CACNA1A: variants seen among roughly 807,000 people sequenced by gnomAD.
The protein encoded by CACNA1A is voltage-dependent P/Q-type calcium channel subunit alpha-1A.
CACNA1A carries 57 observed loss-of-function variants against 262.4 expected under a neutral mutation model. The ratio of observed to expected loss-of-function variants is 0.22; its 90% confidence interval spans 0.18 to 0.27. The LOEUF is 0.27. Ranked by LOEUF, CACNA1A falls within the 10% of genes least tolerant of loss-of-function variation. The probability of loss-of-function intolerance (pLI) is 1.00; values close to 1 mark genes in which losing one functional copy is unlikely to be tolerated. For synonymous variants in CACNA1A, 1,431 were observed against 1,419.3 expected, an observed-to-expected ratio of 1.01 and a Z score of -0.18; for missense variants, 2,526 against 3,562.8, an observed-to-expected ratio of 0.71 and a Z score of 7.41.
At chr19:13,305,773 G>T (rs1044283565) in intron 15 of CACNA1A, among the ~76,000 whole-genome samples, 7 of 152,114 alleles carry the variant, frequency 4.6e-5, no homozygotes, top group African/African-American at 1.7e-4. Context: ...ATTAATAATC[G>T]CTTATGGGCC....
At chr19:13,467,128 G>A (rs2061259879) in intron 1 of CACNA1A, among the ~76,000 whole-genome samples, 2 of 152,106 alleles carry the variant, frequency 1.3e-5, no homozygotes, top group South Asian at 4.1e-4. Flanking sequence ...AGGGGAAGCA[G>A]CCAGTACAAA....
At chr19:13,375,249 T>C (rs2059385462) in intron 3 of CACNA1A, among the ~76,000 whole-genome samples, 1 of 152,156 alleles carries the variant, frequency 6.6e-6, no homozygotes, top group Non-Finnish European at 1.5e-5. Context: ...ACCACATCCA[T>C]AGAAGATGGC....
chr19:13,333,999 C>T (rs954828960), intron 8 of CACNA1A: 2 of 185,138 alleles, frequency 1.1e-5, no homozygotes, highest in African/African-American at 4.7e-5. Flanking sequence ...CTTCTCTCCC[C>T]AAGTGACTCA....
chr19:13,357,377 T>C (rs1393403740), intron 6 of CACNA1A, among the ~76,000 whole-genome samples: 1 of 152,184 alleles, frequency 6.6e-6, no homozygotes, highest in Non-Finnish European at 1.5e-5. Context: ...AGCTTCTCTA[T>C]GTACAGGAGG....
At chr19:13,270,909 A>C (rs1600216332) in intron 24 of CACNA1A, among the ~76,000 whole-genome samples, 1 of 151,812 alleles carries the variant, frequency 6.6e-6, no homozygotes, top group African/African-American at 2.4e-5. Flanking sequence ...AAAATCTCAC[A>C]CCTCCCAGTT....
At chr19:13,337,986 G>A (rs550242533) in intron 6 of CACNA1A, among the ~76,000 whole-genome samples, 3 of 152,310 alleles carry the variant, frequency 2.0e-5, no homozygotes, top group South Asian at 4.1e-4. Flanking sequence ...TTGGGAGGCC[G>A]AGGCGGGCAG....
In CACNA1A at chr19:13,214,751, C is replaced by G. The variant is rs111900823; in HGVS notation, c.5732-143G>C. The G allele has an allele frequency of 1.8e-3, 1,226 of 666,738 alleles. 15 individuals carry two copies. The African/African-American group carries it at 0.02, about 11-fold the overall frequency. 41.3% of individuals were successfully genotyped at this position (666,738 alleles called of 1,614,324 possible). A position where few individuals can be genotyped will look rare whatever the true frequency, so the allele number is the denominator to read the frequency against. On this transcript the variant is annotated intron_variant, in intron 38 of 46. Transcript: ENST00000360228. This position sits in a 1 kb window ranked among gnomAD's most constrained non-coding sequence, Gnocchi z 4.1. ...GGTCTCCAGTTCCCCAACGGCCTGG[C>G]CCAGAGGAGGCCCTGGGCAGTGCTG...
At chr19:13,428,094 A>T (rs759501009) in intron 3 of CACNA1A, among the ~76,000 whole-genome samples, 1 of 152,108 alleles carries the variant, frequency 6.6e-6, no homozygotes, top group Non-Finnish European at 1.5e-5. Flanking sequence ...TGCCTGGCTA[A>T]TTTTTGTATT....
Position 13,350,597 on chromosome 19 carries a change from T to C in CACNA1A, c.978+9009A>G, listed in dbSNP as rs547887258. Among the ~76,000 whole-genome samples the C allele has an allele frequency of 3.7e-4, 56 of 152,336 alleles. 1 individual carries two copies. In the South Asian group the frequency reaches 0.011, roughly 30 times the overall value. On this transcript the variant is annotated intron_variant, in intron 6 of 46. Transcript: ENST00000360228. The stretch of plus-strand genomic sequence containing the variant: ...TAGTTCACAGATATCATGCAAAGTC[T>C]TTTAAGCTTAATACTCCCATGAAAT...
At chr19:13,394,031 G>A (rs1168527916) in intron 3 of CACNA1A, among the ~76,000 whole-genome samples, 2 of 152,100 alleles carry the variant, frequency 1.3e-5, no homozygotes. Context: ...TATGATACAT[G>A]TGCTTTTCTG....
intron 19 of CACNA1A, among the ~76,000 whole-genome samples, chr19:13,290,092 C>A (rs11882757): frequency 0.029 from 4,330 of 150,498 alleles, 207 homozygotes; most frequent in African/African-American, 0.096. Flanking sequence ...CCACACCCGG[C>A]TAATTTTTTT....
At position 13,334,448 on chromosome 19, in the gene CACNA1A, A is replaced by G; in HGVS notation, c.1128T>C (p.Phe376=). The G allele has an allele frequency of 6.2e-7, 1 of 1,613,314 alleles. No homozygotes were observed. The highest frequency in any genetic ancestry group is 1.1e-5 in the South Asian group (1 of 91,070). The change falls in exon 8 of 47, where the codon TTT becomes TTC. Residue 376 remains phenylalanine, a synonymous_variant. Transcript: ENST00000360228. ...ERERVENRRA[F]LKLRRQQQIE... ...TCTGTTGTTGCCGCCTCAGCTTCAG[A>G]AAAGCCCGCCGGTTCTCCACCCGTT... is the stretch of plus-strand genomic sequence containing the variant.
chr19:13,496,699 G>C lies in CACNA1A; in HGVS notation c.293+9233C>G, dbSNP rs1199769417. ...GGGAGTTGAGAGACTTGGCAAGAAA[G>C]AGCAGAATATTAACACTTATGCAGC... On this transcript the variant is annotated intron_variant, in intron 1 of 46. Coordinates refer to ENST00000360228, the MANE Select transcript of CACNA1A (RefSeq NM_001127222.2). Among the ~76,000 whole-genome samples the C allele has an allele frequency of 3.3e-5, 5 of 152,186 alleles. No individual in the cohort carries two copies. In the South Asian group the frequency reaches 8.3e-4, roughly 25 times the overall value.
At chr19:13,482,848 TTG>T (rs34754803) in intron 1 of CACNA1A, among the ~76,000 whole-genome samples, 41,147 of 133,556 alleles carry the variant, frequency 0.31, 6,494 homozygotes, top group Admixed American at 0.42. Flanking sequence ...TTCTCTCAAC[TTG>T]TGTGTGTGTG....
chr19:13,209,497 G>C lies in CACNA1A; in HGVS notation c.6341C>G (p.Thr2114Ser). The C allele has an allele frequency of 7.6e-7, 1 of 1,310,436 alleles. No individual in the cohort carries two copies. Among genetic ancestry groups the C allele is most frequent in the Non-Finnish European group, 9.8e-7 (1 of 1,022,404 alleles). The allele number at this position is 1,310,436 out of a possible 1,614,324, so 81.2% of individuals were successfully genotyped here. The change falls in exon 45 of 47, where the codon ACC becomes AGC. Residue 2114 changes from threonine (T) to serine (S), a missense_variant and splice_region_variant. Thr to Ser is a moderately conservative substitution (Grantham distance 58). Transcript: ENST00000360228. ...RGRPRGNNLS[T>S]ISDTSPMKRS... ...CTTCATGGGGCTGGTGTCTGAGATG[G>C]TCTGGGGGAGGGGACAGGCCGGTGG...
intron 3 of CACNA1A, among the ~76,000 whole-genome samples, chr19:13,416,587 G>A (rs12977156): frequency 0.13 from 20,155 of 151,970 alleles, 1,729 homozygotes; most frequent in Non-Finnish European, 0.2. Context: ...AGGCTGAGGC[G>A]GGTGGATCAC....
At chr19:13,464,898 C>A (rs772427022) in intron 1 of CACNA1A, among the ~76,000 whole-genome samples, 5 of 151,584 alleles carry the variant, frequency 3.3e-5, no homozygotes, top group Non-Finnish European at 7.4e-5. Flanking sequence ...TCTTTTCTTT[C>A]CTTTTCTTTT....
chr19:13,333,176 G>A (rs905446854), intron 8 of CACNA1A, among the ~76,000 whole-genome samples: 15 of 152,108 alleles, frequency 9.9e-5, no homozygotes, highest in Non-Finnish European at 1.5e-5. Flanking sequence ...ATAAGCCCCT[G>A]CTTGATCTGA....
intron 30 of CACNA1A, among the ~76,000 whole-genome samples, chr19:13,248,196 G>A (rs1005658468): frequency 3.9e-5 from 6 of 151,952 alleles, no homozygotes; most frequent in Non-Finnish European, 7.4e-5. Context: ...CTTTATAGGC[G>A]TTTGGTCACA....
Sources: allele counts gnomAD v4.1 joint callset (sites outside exome capture counted in the v4.1 genomes callset), GRCh38; gene constraint gnomAD v4.1.1; non-coding constraint Gnocchi (gnomAD v3.1); transcripts MANE v1.5; gene names NCBI Gene and HGNC (gene_info 2026-07-23, HGNC 2026-07-21).